Variants in TBXAS1 observed in about 807,000 individuals in gnomAD.
TBXAS1 encodes the protein thromboxane A synthase 1, also known as thromboxane-A synthase.
A neutral mutation model predicts 60.7 loss-of-function variants in TBXAS1; 48 were observed. The ratio of observed to expected loss-of-function variants is 0.79; its 90% CI spans 0.63 to 1.01. The LOEUF (loss-of-function observed/expected upper bound fraction) is 1.01, where lower values mean the gene tolerates loss of function less well. TBXAS1 is among the 50% of genes least tolerant of loss of function. The probability of loss-of-function intolerance (pLI) is 0.00; values close to 1 mark genes in which losing one functional copy is unlikely to be tolerated. For synonymous variants in TBXAS1, 287 were observed against 269.7 expected (o/e 1.06, Z -0.63); for missense variants, 685 against 686.3 (o/e 1.00, Z 0.02).
At chr7:139,939,488 C>T (rs1012677968) in intron 5 of TBXAS1, among the ~76,000 whole-genome samples, 5 of 151,090 alleles carry the variant, frequency 3.3e-5, no homozygotes, top group Non-Finnish European at 5.9e-5. Context: ...TTTTCTACTC[C>T]ATATAGTTCA....
Position 140,004,015 on chromosome 7 carries a change from T to A in TBXAS1, c.1135-3076T>A, listed in dbSNP as rs1395281406. Among the ~76,000 whole-genome samples, 1 of 152,248 alleles carries A rather than the reference T, an allele frequency of 6.6e-6. No homozygotes were observed. The highest frequency in any genetic ancestry group is 1.5e-5 in the Non-Finnish European group (1 of 68,046). On this transcript the variant is annotated intron_variant, in intron 9 of 12. Coordinates refer to ENST00000448866, the MANE Select transcript of TBXAS1 (RefSeq NM_001061.7). This position sits in a 1 kb window ranked among gnomAD's most constrained non-coding sequence, Gnocchi z 5.1. Reference sequence around the variant, plus strand: ...TGTATACATCTGATTCATTTCTTCTTTCTTGAGGCCAACTGCTGTTTTCTG... The same window carrying A: ...TGTATACATCTGATTCATTTCTTCTATCTTGAGGCCAACTGCTGTTTTCTG...
intron 8 of TBXAS1, 44 bp downstream of exon 8, chr7:139,957,808 C>T (rs544016910): frequency 5.2e-5 from 84 of 1,612,770 alleles, no homozygotes; most frequent in Middle Eastern, 3.3e-4. Flanking sequence ...GGAATGGAGC[C>T]GACTTTGGCA....
At chr7:139,890,436 C>G (rs1803504587) in intron 3 of TBXAS1, among the ~76,000 whole-genome samples, 1 of 151,860 alleles carries the variant, frequency 6.6e-6, no homozygotes, top group South Asian at 2.1e-4. Context: ...AGGATGGTCT[C>G]GATCTCCTGA....
At chr7:139,977,417 G>A (rs565222965) in intron 9 of TBXAS1, among the ~76,000 whole-genome samples, 39 of 152,098 alleles carry the variant, frequency 2.6e-4, no homozygotes, top group East Asian at 5.8e-4. Context: ...GGAAAGACTC[G>A]CCCCCATGAT....
intron 1 of TBXAS1, among the ~76,000 whole-genome samples, chr7:139,846,371 T>A (rs950041562): frequency 6.6e-6 from 1 of 152,202 alleles, no homozygotes; most frequent in Non-Finnish European, 1.5e-5. Context: ...AAGCAATAGA[T>A]GTCAGGTCTC....
intron 5 of TBXAS1, among the ~76,000 whole-genome samples, chr7:139,952,327 C>T (rs577512546): frequency 3.9e-5 from 6 of 152,260 alleles, no homozygotes; most frequent in South Asian, 2.1e-4. Flanking sequence ...ATGAGCCAGG[C>T]GCTGTTCTAG....
chr7:139,820,073 G>C (rs568003692), intron 4 of TBXAS1, among the ~76,000 whole-genome samples: 179 of 152,114 alleles, frequency 1.2e-3, no homozygotes, highest in African/African-American at 4.1e-3. Context: ...CATGCTGTCT[G>C]TCTCCTTATG....
Position 139,896,800 on chromosome 7 carries a change from A to C in TBXAS1, c.237-14425A>C, listed in dbSNP as rs1407431843. Among the ~76,000 whole-genome samples the C allele has an allele frequency of 1.3e-5, 2 of 152,196 alleles. No homozygotes were observed. Among genetic ancestry groups the C allele is most frequent in the Non-Finnish European group, 2.9e-5 (2 of 68,032 alleles). ...TATAAGAGGAATGGGGTGAGGAGAG[A>C]AGTCAGGAGCTCCTGAAGGGCCCCT... On this transcript the variant is annotated intron_variant, in intron 3 of 12. Coordinates refer to ENST00000448866, the MANE Select transcript of TBXAS1 (RefSeq NM_001061.7). This position sits in a 1 kb window ranked among gnomAD's most constrained non-coding sequence, Gnocchi z 4.0.
intron 4 of TBXAS1, among the ~76,000 whole-genome samples, chr7:139,927,439 T>G (rs1806980825): frequency 6.6e-6 from 1 of 152,204 alleles, no homozygotes; most frequent in Non-Finnish European, 1.5e-5. Context: ...TAACATAATC[T>G]TCCCACTTTT....
upstream of TBXAS1, among the ~76,000 whole-genome samples, chr7:139,826,380 T>C (rs1222169224): frequency 6.6e-6 from 1 of 151,850 alleles, no homozygotes; most frequent in African/African-American, 2.4e-5. Flanking sequence ...GGACACTAAG[T>C]AGGAGTGACA....
At chr7:139,998,547 T>G (rs568516977) in intron 9 of TBXAS1, among the ~76,000 whole-genome samples, 124 of 152,050 alleles carry the variant, frequency 8.2e-4, no homozygotes, top group South Asian at 5.8e-3. Context: ...AAATATCTGG[T>G]TTTTTTTCAT....
chr7:139,828,698 C>T (rs557186462), upstream of TBXAS1, among the ~76,000 whole-genome samples: 21 of 152,324 alleles, frequency 1.4e-4, no homozygotes, highest in South Asian at 8.3e-4. Flanking sequence ...TATGAGCCTA[C>T]GGATCTGCCT....
At chr7:139,945,151 G>A (rs1808600246) in intron 5 of TBXAS1, among the ~76,000 whole-genome samples, 1 of 152,224 alleles carries the variant, frequency 6.6e-6, no homozygotes, top group Admixed American at 6.5e-5. Context: ...AATGGGATGT[G>A]TTGCTGAAAG....
intron 5 of TBXAS1, among the ~76,000 whole-genome samples, chr7:139,944,084 A>G (rs1808502150): frequency 2.6e-5 from 4 of 152,220 alleles, no homozygotes; most frequent in Admixed American, 2.6e-4. Flanking sequence ...AATGTAGAAG[A>G]GAAACAAGGT....
Position 139,875,627 on chromosome 7 carries a change from C to A in TBXAS1, c.226C>A (p.Pro76Thr). 6.2e-7 allele frequency: 1 copy of A among 1,612,996 alleles called. No individual in the cohort carries two copies. ...AATGGAGCTCAGAAAGCTGTATGGA[C>A]CTCTGTGTGGGTAAGAAGGAAACTC... is the stretch of plus-strand genomic sequence containing the variant. ...SQMELRKLYG[P>T]LCGYYLGRRM... The change falls in exon 3 of 13, where the codon CCT (proline) becomes ACT (threonine). Residue 76 changes from proline (P) to threonine (T), a missense_variant. Transcript: ENST00000448866.
chr7:139,940,541 C>G (rs1361290281), intron 5 of TBXAS1, among the ~76,000 whole-genome samples: 1 of 152,148 alleles, frequency 6.6e-6, no homozygotes, highest in Admixed American at 6.5e-5. Context: ...AGCCCCGGCA[C>G]AGTGAGTGTT....
At chr7:139,988,976 G>A (rs1438045538) in intron 9 of TBXAS1, among the ~76,000 whole-genome samples, 2 of 152,180 alleles carry the variant, frequency 1.3e-5, no homozygotes, top group Non-Finnish European at 2.9e-5. Flanking sequence ...GTCTGTGCCC[G>A]GGCAGGGCAA....
chr7:140,003,142 A>T (rs929148600), intron 9 of TBXAS1, among the ~76,000 whole-genome samples: 1 of 151,184 alleles, frequency 6.6e-6, no homozygotes, highest in African/African-American at 2.4e-5. Context: ...AAAAAAAAAA[A>T]GCTGGCTGTT....
intron 9 of TBXAS1, among the ~76,000 whole-genome samples, chr7:139,996,994 C>T (rs1813345325): frequency 6.6e-6 from 1 of 152,202 alleles, no homozygotes; most frequent in Non-Finnish European, 1.5e-5. Flanking sequence ...CCTCAGCCAT[C>T]CTACATGTCG....
Sources: allele counts gnomAD v4.1 joint callset (sites outside exome capture counted in the v4.1 genomes callset), GRCh38; gene constraint gnomAD v4.1.1; non-coding constraint Gnocchi (gnomAD v3.1); transcripts MANE v1.5; gene names NCBI Gene and HGNC (gene_info 2026-07-23, HGNC 2026-07-21).